FANCL: variants seen among roughly 807,000 people sequenced by gnomAD.
The protein encoded by FANCL is E3 ubiquitin-protein ligase FANCL.
FANCL carries 69 observed loss-of-function variants against 59.4 expected under a neutral mutation model. The ratio of observed to expected loss-of-function variants is 1.16; its 90% CI spans 0.96 to 1.42. FANCL has a LOEUF of 1.42. Ranked by LOEUF, FANCL falls within the 40% of genes most tolerant of loss-of-function variation. The pLI is 0.00. For missense variants in FANCL, 519 were observed against 447.2 expected (o/e 1.16, Z -1.45); for synonymous variants, 180 against 147.1 (o/e 1.22, Z -1.62).
chr2:58,220,575 T>A (rs1335848500), intron 5 of FANCL, among the ~76,000 whole-genome samples: 2 of 152,104 alleles, frequency 1.3e-5, no homozygotes, highest in African/African-American at 4.8e-5. Flanking sequence ...CTCTAAAATA[T>A]GTTTAAGTCT....
chr2:58,204,239 G>T lies in FANCL; in HGVS notation c.375-13C>A. The stretch of plus-strand genomic sequence containing the variant: ...CGCATACACAAGTCTGGTGAGCAGA[G>T]GAGAATAAAAAATGATCACACCGGG... On this transcript the variant is annotated splice_polypyrimidine_tract_variant and intron_variant, in intron 5 of 13. Coordinates refer to ENST00000233741, the MANE Select transcript of FANCL (RefSeq NM_018062.4). 1.2e-6 allele frequency: 2 copies of T among 1,603,908 alleles called. No individual in the cohort carries two copies. The highest frequency in any genetic ancestry group is 1.7e-6 in the Non-Finnish European group (2 of 1,170,896).
intron 1 of FANCL, among the ~76,000 whole-genome samples, chr2:58,234,641 G>GC: frequency 6.6e-6 from 1 of 151,868 alleles, no homozygotes; most frequent in East Asian, 1.9e-4. Flanking sequence ...GGGATAAGTG[G>GC]CCACATGATA....
At chr2:58,211,706 C>A (rs1412297163) in intron 5 of FANCL, among the ~76,000 whole-genome samples, 1 of 152,200 alleles carries the variant, frequency 6.6e-6, no homozygotes, top group African/African-American at 2.4e-5. Context: ...TTTCTTCCAC[C>A]AGATACCCTA....
rs192860123 is a variant in FANCL, at chr2:58,198,501, G to A, written c.540+93C>T. ...GCATGGATTTTGGTATTTACAGAGG[G>A]CCCAAGAAATAATCCCCCCATGGAT... On this transcript the variant is annotated intron_variant, in intron 7 of 13. Coordinates refer to ENST00000233741, the MANE Select transcript of FANCL (RefSeq NM_018062.4). 3.7e-3 allele frequency: 3,825 copies of A among 1,047,944 alleles called. 36 individuals carry two copies. Among genetic ancestry groups the A allele is most frequent in the South Asian group, 0.018 (1,299 of 71,654 alleles). The allele number at this position is 1,047,944 out of a possible 1,614,324, so 64.9% of individuals were successfully genotyped here.
At chr2:58,214,612 T>C (rs1322540750) in intron 5 of FANCL, among the ~76,000 whole-genome samples, 1 of 152,100 alleles carries the variant, frequency 6.6e-6, no homozygotes, top group Non-Finnish European at 1.5e-5. Context: ...CAGGCTCAAG[T>C]GATCCTCCCA....
At chr2:58,196,245 G>A (rs1030490613) in intron 7 of FANCL, among the ~76,000 whole-genome samples, 1 of 152,008 alleles carries the variant, frequency 6.6e-6, no homozygotes, top group African/African-American at 2.4e-5. Flanking sequence ...AGAAAGGAAA[G>A]ATGGGAAGGA....
chr2:58,159,951 A>AT, intron 13 of FANCL, 151 bp from the exon 14 acceptor site: 2 of 1,525,982 alleles, frequency 1.3e-6, no homozygotes, highest in Non-Finnish European at 1.8e-6. Context: ...CTAGAAAAGG[A>AT]GTTTAATGTT....
chr2:58,166,500 TTAAA>T (rs1282995295), intron 7 of FANCL, among the ~76,000 whole-genome samples: 1 of 152,228 alleles, frequency 6.6e-6, no homozygotes, highest in African/African-American at 2.4e-5. Context: ...AGGAATTAGC[TTAAA>T]TATAGTTTCA....
intron 7 of FANCL, among the ~76,000 whole-genome samples, chr2:58,171,687 C>T (rs1001259795): frequency 4.6e-5 from 7 of 152,278 alleles, no homozygotes; most frequent in East Asian, 1.9e-4. Context: ...ACGCAGAAGA[C>T]GGGTGATTTC....
In FANCL at chr2:58,202,105, A is replaced by G. The variant is rs534550549; in HGVS notation, c.471+2025T>C. Among the ~76,000 whole-genome samples the G allele has an allele frequency of 1.2e-3, 176 of 151,496 alleles. 1 individual carries two copies. Among genetic ancestry groups the G allele is most frequent in the African/African-American group, 3.9e-3 (163 of 41,420 alleles). On this transcript the variant is annotated intron_variant, in intron 6 of 13. Transcript: ENST00000233741. ...AGGCCCAATTTCTTTTTTTTTCCCT[A>G]AAATTTTTGTTTCCTAAAATATTTT...
intron 7 of FANCL, among the ~76,000 whole-genome samples, chr2:58,184,373 T>C (rs1244056615): frequency 6.6e-6 from 1 of 152,074 alleles, no homozygotes; most frequent in Non-Finnish European, 1.5e-5. Flanking sequence ...TCTACTATTA[T>C]TGTCTAAAAT....
intron 7 of FANCL, among the ~76,000 whole-genome samples, chr2:58,185,666 G>T (rs1048121411): frequency 2.0e-5 from 3 of 152,014 alleles, no homozygotes; most frequent in African/African-American, 7.2e-5. Flanking sequence ...GACAGGGTTG[G>T]TTATTCTTGC....
At chr2:58,195,396 C>T (rs550669560) in intron 7 of FANCL, among the ~76,000 whole-genome samples, 7 of 152,128 alleles carry the variant, frequency 4.6e-5, no homozygotes, top group African/African-American at 9.6e-5. Context: ...GCCCCCAACC[C>T]GCACAAATGA....
intron 7 of FANCL, among the ~76,000 whole-genome samples, chr2:58,170,582 A>G (rs754912741): frequency 6.6e-6 from 1 of 152,184 alleles, no homozygotes; most frequent in Non-Finnish European, 1.5e-5. Flanking sequence ...CAAATTGGAT[A>G]AACAGTGAAG....
chr2:58,178,211 T>C (rs905116188), intron 7 of FANCL, among the ~76,000 whole-genome samples: 4 of 150,428 alleles, frequency 2.7e-5, no homozygotes, highest in African/African-American at 9.7e-5. Context: ...AACAGAAAAA[T>C]GACTCCTCCC....
chr2:58,207,917 G>C (rs374081102), intron 5 of FANCL, among the ~76,000 whole-genome samples: 26 of 152,186 alleles, frequency 1.7e-4, no homozygotes, highest in African/African-American at 6.0e-4. Flanking sequence ...AAACTAACTC[G>C]TCATGGTGGC....
intron 6 of FANCL, among the ~76,000 whole-genome samples, chr2:58,200,979 A>G (rs1024487259): frequency 6.6e-6 from 1 of 151,434 alleles, no homozygotes; most frequent in Non-Finnish European, 1.5e-5. Flanking sequence ...TTGTTTATAT[A>G]ACAAACCTCA....
intron 6 of FANCL, among the ~76,000 whole-genome samples, chr2:58,199,297 A>T (rs752784771): frequency 4.5e-4 from 68 of 152,260 alleles, no homozygotes; most frequent in Non-Finnish European, 7.6e-4. Flanking sequence ...GTTTATCTTT[A>T]AAATAAGAGA....
intron 7 of FANCL, among the ~76,000 whole-genome samples, chr2:58,176,897 T>C (rs1482140081): frequency 6.6e-6 from 1 of 152,008 alleles, no homozygotes; most frequent in Non-Finnish European, 1.5e-5. Context: ...AAAGGGCTAA[T>C]ATCCAGAATC....
Sources: gnomAD v4.1 joint callset for allele counts (sites outside exome capture counted in the v4.1 genomes callset) on GRCh38, gnomAD v4.1.1 for gene constraint, MANE v1.5 for transcripts, NCBI Gene and HGNC (gene_info 2026-07-23, HGNC 2026-07-21) for gene names.